Variants in ANKRD13D observed in about 807,000 individuals in gnomAD.
ANKRD13D encodes ankyrin repeat domain-containing protein 13D.
In ANKRD13D, 24 loss-of-function variants were observed where a neutral mutation model predicts 68.8. That is an observed-to-expected ratio of 0.35 (90% CI 0.25 to 0.49). The LOEUF (loss-of-function observed/expected upper bound fraction) is 0.49. Ranked by LOEUF, ANKRD13D falls within the 20% of genes least tolerant of loss-of-function variation. ANKRD13D has a pLI of 0.99. For missense variants in ANKRD13D, 735 were observed against 832.1 expected, an observed-to-expected ratio of 0.88 and a Z score of 1.44; for synonymous variants, 331 against 336.1, an observed-to-expected ratio of 0.98 and a Z score of 0.16.
intron 6 of ANKRD13D, among the ~76,000 whole-genome samples, chr11:67,295,498 CCAGATCACT>C (rs1239282850): frequency 2.6e-5 from 4 of 151,618 alleles, no homozygotes; most frequent in African/African-American, 9.7e-5. Flanking sequence ...GCTGAGGCAG[CCAGATCACT>C]TGAGGTCAGG....
chr11:67,298,622 A>G (rs1860854206), intron 6 of ANKRD13D: 1 of 164,584 alleles, frequency 6.1e-6, no homozygotes, highest in Non-Finnish European at 1.3e-5. Flanking sequence ...TATATGAAAG[A>G]AGAGATAATG....
In ANKRD13D at chr11:67,300,929, C is replaced by T. The variant is rs1287219359; in HGVS notation, c.1074-61C>T. 1.9e-6 allele frequency: 3 copies of T among 1,591,932 alleles called. No individual in the cohort carries two copies. The highest frequency in any genetic ancestry group is 1.7e-5 in the Admixed American group (1 of 58,642). On this transcript the variant is annotated intron_variant, in intron 10 of 14. Transcript: ENST00000511455. The surrounding 1 kb of genome is among the most constrained non-coding windows in gnomAD (Gnocchi z 4.3). ...AGGCAGCTGCCCACGAACCAGAGGG[C>T]AGTCCTCAATGGAAGGGCCACCAGC...
Position 67,290,211 on chromosome 11 carries a change from C to T in ANKRD13D, c.224C>T (p.Ala75Val). ...GGCAAAGAGAACCGCCAGGGCTGGGCAGGTACTGCAGAGGACAAGGGGCTC... is the reference window on the plus strand; with the variant it reads ...GGCAAAGAGAACCGCCAGGGCTGGGTAGGTACTGCAGAGGACAAGGGGCTC... ...NVGKENRQGW[A>V]VLQEAVSTGD... The change falls in exon 2 of 15, where the codon GCA becomes GTA. Residue 75 changes from alanine (A) to valine (V), a missense_variant and splice_region_variant. By Grantham distance (64) the Ala-to-Val change is moderately conservative. Transcript: ENST00000511455. The T allele has an allele frequency of 6.5e-7, 1 of 1,539,904 alleles. No individual in the cohort carries two copies. Among genetic ancestry groups the T allele is most frequent in the Non-Finnish European group, 8.7e-7 (1 of 1,146,866 alleles).
rs1860931775 is a variant in ANKRD13D at position 67,300,357 on chromosome 11, G to T, written c.1073+234G>T. ...GAATGGATGGTGCCACCCATGTATGGTTTTCTATTGAATTTCATGAGTACC... is the reference window on the plus strand; with the variant it reads ...GAATGGATGGTGCCACCCATGTATGTTTTTCTATTGAATTTCATGAGTACC... On this transcript the variant is annotated intron_variant, in intron 10 of 14. Transcript: ENST00000511455. The surrounding 1 kb of genome is among the most constrained non-coding windows in gnomAD (Gnocchi z 4.3). The T allele has an allele frequency of 1.8e-6, 1 of 558,890 alleles. No individual in the cohort carries two copies. Among genetic ancestry groups the T allele is most frequent in the Non-Finnish European group, 3.1e-6 (1 of 327,084 alleles). The allele number at this position is 558,890 out of a possible 1,614,324, so 34.6% of individuals were successfully genotyped here.
intron 1 of ANKRD13D, 71 bp downstream of exon 1, chr11:67,289,621 G>GCCCCCCCCCCCCCC (rs368498130): frequency 6.4e-5 from 52 of 808,084 alleles, no homozygotes; most frequent in South Asian, 2.0e-4. Flanking sequence ...CCGTCCTGGA[G>GCCCCCCCCCCCCCC]CCCCCCCCCC....
intron 6 of ANKRD13D, among the ~76,000 whole-genome samples, chr11:67,292,560 T>C (rs1169719724): frequency 2.0e-5 from 3 of 151,972 alleles, no homozygotes; most frequent in Non-Finnish European, 2.9e-5. Context: ...ACCTGACCCT[T>C]CCAGCAAGAG....
At chr11:67,292,511 G>C (rs1860605796) in intron 6 of ANKRD13D, among the ~76,000 whole-genome samples, 1 of 152,082 alleles carries the variant, frequency 6.6e-6, no homozygotes, top group Non-Finnish European at 1.5e-5. Context: ...CATTGGTGCG[G>C]CTGTGTTGGG....
intron 5 of ANKRD13D, 116 bp downstream of exon 5, chr11:67,291,862 GA>G: frequency 6.6e-7 from 1 of 1,519,006 alleles, no homozygotes; most frequent in Non-Finnish European, 8.8e-7. Flanking sequence ...GTTGGGGATG[GA>G]GGGGCATCCA....
At chr11:67,298,951 A>T in intron 6 of ANKRD13D, 107 bp from the exon 7 acceptor site, 1 of 1,161,938 alleles carries the variant, frequency 8.6e-7, no homozygotes, top group Non-Finnish European at 1.3e-6. Flanking sequence ...AGGGGCCCTG[A>T]GAGTTGGGCA....
rs554661490 is a variant in ANKRD13D at position 67,290,221 on chromosome 11, A to G, written c.226+8A>G. 6.5e-7 allele frequency: 1 copy of G among 1,541,474 alleles called. No homozygotes were observed. The highest frequency in any genetic ancestry group is 8.7e-7 in the Non-Finnish European group (1 of 1,146,864). On this transcript the variant is annotated splice_region_variant and intron_variant, in intron 2 of 14. Transcript: ENST00000511455. ...ACCGCCAGGGCTGGGCAGGTACTGC[A>G]GAGGACAAGGGGCTCCCCCTGAGGC...
rs146982557 is a variant in ANKRD13D at position 67,300,886 on chromosome 11, C to G, written c.1074-104C>G. 3.1e-5 allele frequency: 45 copies of G among 1,429,660 alleles called. No individual in the cohort carries two copies. The East Asian group carries it at 1.1e-3, about 35-fold the overall frequency. 88.6% of individuals were successfully genotyped at this position (1,429,660 alleles called of 1,614,324 possible). On this transcript the variant is annotated intron_variant, in intron 10 of 14. Transcript: ENST00000511455. This position sits in a 1 kb window ranked among gnomAD's most constrained non-coding sequence, Gnocchi z 4.3. ...CTGAGCAGAGCAGGGCACTCCAGGC[C>G]AGGCAGAAGGTGGGTAAAGGCAGCT... is the stretch of plus-strand genomic sequence containing the variant.
chr11:67,289,438 G>C lies in ANKRD13D; in HGVS notation c.-23G>C. The stretch of plus-strand genomic sequence containing the variant: ...CCAGGCCCGAAGCCGAGGCGGGGCC[G>C]GGATGCGGCGCTGAGGCCCAGCATG... On this transcript the variant is annotated 5_prime_UTR_variant, in exon 1 of 15. Transcript: ENST00000511455. 7.0e-7 allele frequency: 1 copy of C among 1,429,244 alleles called. No individual in the cohort carries two copies. Among genetic ancestry groups the C allele is most frequent in the East Asian group, 3.0e-5 (1 of 33,068 alleles). 88.5% of individuals were successfully genotyped at this position (1,429,244 alleles called of 1,614,324 possible). A position where few individuals can be genotyped will look rare whatever the true frequency, so the allele number is the denominator to read the frequency against.
chr11:67,299,363 T>G lies in ANKRD13D; in HGVS notation c.799-167T>G. ...TGTTCCTCTTGACCCTGGGGCTGCA[T>G]CTCCTCGTTGGTGACTTCCTGGGGT... On this transcript the variant is annotated intron_variant, in intron 7 of 14. Coordinates refer to ENST00000511455, the MANE Select transcript of ANKRD13D (RefSeq NM_207354.3). This position sits in a 1 kb window ranked among gnomAD's most constrained non-coding sequence, Gnocchi z 6.2. The G allele has an allele frequency of 1.4e-6, 1 of 713,280 alleles. No homozygotes were observed. The highest frequency in any genetic ancestry group is 2.4e-6 in the Non-Finnish European group (1 of 425,286). The allele number at this position is 713,280 out of a possible 1,614,324, so 44.2% of individuals were successfully genotyped here. A position where few individuals can be genotyped will look rare whatever the true frequency, so the allele number is the denominator to read the frequency against.
chr11:67,301,649 C>G lies in ANKRD13D; in HGVS notation c.1510C>G (p.Gln504Glu), dbSNP rs760115441. Reference sequence around the variant, plus strand: ...GCTTGAAGCGGGCACTGAGGCGGAGCAGGTGGGACTTGCCCAGGGGGTGGG... The same window carrying G: ...GCTTGAAGCGGGCACTGAGGCGGAGGAGGTGGGACTTGCCCAGGGGGTGGG... Reference protein sequence around the residue: ...SLLEAGTEAEQVTVWEALTNT... With the variant: ...SLLEAGTEAEEVTVWEALTNT... The change falls in exon 13 of 15, where the codon CAG becomes GAG. Residue 504 changes from glutamine to glutamate, a missense_variant and splice_region_variant. Gln to Glu is a conservative substitution (Grantham distance 29, BLOSUM62 2). Coordinates refer to ENST00000511455, the MANE Select transcript of ANKRD13D (RefSeq NM_207354.3). This position sits in a 1 kb window ranked among gnomAD's most constrained non-coding sequence, Gnocchi z 4.5. 2 of 1,611,934 alleles carry G rather than the reference C, an allele frequency of 1.2e-6. No individual in the cohort carries two copies. Among genetic ancestry groups the G allele is most frequent in the South Asian group, 2.2e-5 (2 of 91,016 alleles).
intron 5 of ANKRD13D, 72 bp downstream of exon 5, chr11:67,291,818 CT>C: frequency 6.4e-7 from 1 of 1,573,978 alleles, no homozygotes. Context: ...ACGGTGCTGC[CT>C]TTTCTCTCCA....
In ANKRD13D at chr11:67,301,072, A is replaced by G; in HGVS notation, c.1156A>G (p.Ile386Val). 1 of 1,614,046 alleles carries G rather than the reference A, an allele frequency of 6.2e-7. No homozygotes were observed. Reference sequence around the variant, plus strand: ...GACCCCCATCATCGACCTAATGGCCATCAGCAACGCTCACTTTGCCAAGCT... The same window carrying G: ...GACCCCCATCATCGACCTAATGGCCGTCAGCAACGCTCACTTTGCCAAGCT... Reference protein sequence around the residue: ...QVTPIIDLMAISNAHFAKLRD... With the variant: ...QVTPIIDLMAVSNAHFAKLRD... The change falls in exon 11 of 15, where the codon ATC becomes GTC. Residue 386 changes from isoleucine to valine, a missense_variant. Coordinates refer to ENST00000511455, the MANE Select transcript of ANKRD13D (RefSeq NM_207354.3). This position sits in a 1 kb window ranked among gnomAD's most constrained non-coding sequence, Gnocchi z 4.5.
intron 1 of ANKRD13D, 200 bp downstream of exon 1, chr11:67,289,750 C>G: frequency 7.1e-7 from 1 of 1,415,890 alleles, no homozygotes; most frequent in Non-Finnish European, 9.2e-7. Context: ...TGCGCTGGGC[C>G]TTGCCCTGCT....
intron 3 of ANKRD13D, chr11:67,290,650 T>C: frequency 2.7e-6 from 2 of 752,702 alleles, no homozygotes; most frequent in Non-Finnish European, 4.0e-6. Flanking sequence ...CTGGACCCTT[T>C]GGAAGAGAAG....
At chr11:67,298,003 G>A (rs372310587) in intron 6 of ANKRD13D, 33 of 150,560 alleles carry the variant, frequency 2.2e-4, no homozygotes, top group African/African-American at 7.9e-4. Context: ...TTCCATTGTG[G>A]TTGGAAAACA....
Sources: gnomAD v4.1 joint callset for allele counts (sites outside exome capture counted in the v4.1 genomes callset) on GRCh38, gnomAD v4.1.1 for gene constraint, Gnocchi (gnomAD v3.1) non-coding constraint, MANE v1.5 for transcripts, NCBI Gene and HGNC (gene_info 2026-07-23, HGNC 2026-07-21) for gene names.